The following SP2 variants were observed in gnomAD, a reference collection of about 807,000 sequenced individuals.
The protein encoded by SP2 is transcription factor Sp2.
SP2 carries 9 observed loss-of-function variants against 50.1 expected under a neutral mutation model. The ratio of observed to expected loss-of-function variants is 0.18; its 90% CI spans 0.11 to 0.31. The LOEUF is 0.31. Ranked by LOEUF, SP2 falls within the 10% of genes least tolerant of loss-of-function variation. The pLI, the probability that SP2 is intolerant of heterozygous loss-of-function variation, is 1.00. For synonymous variants in SP2, 313 were observed against 326.6 expected (o/e 0.96, Z 0.45); for missense variants, 581 against 806.5 (o/e 0.72, Z 3.39).
At chr17:47,925,828 A>C (rs1013236129) in intron 6 of SP2, among the ~76,000 whole-genome samples, 33 of 151,696 alleles carry the variant, frequency 2.2e-4, no homozygotes, top group African/African-American at 7.7e-4. Context: ...TGGTATGCCA[A>C]GCACAGTACT....
chr17:47,903,651 C>T (rs985568876), intron 1 of SP2, among the ~76,000 whole-genome samples: 7 of 147,326 alleles, frequency 4.8e-5, no homozygotes, highest in Non-Finnish European at 9.0e-5. Context: ...GTCAGAGCAA[C>T]ACGGATGACG....
At chr17:47,919,983 C>T (rs534960842) in intron 3 of SP2, among the ~76,000 whole-genome samples, 9 of 151,390 alleles carry the variant, frequency 5.9e-5, no homozygotes, top group Middle Eastern at 3.4e-3. Flanking sequence ...ATTACAGGCG[C>T]GTGCCACCAC....
chr17:47,896,256 G>C lies in SP2; in HGVS notation c.-31G>C. On this transcript the variant is annotated 5_prime_UTR_variant, in exon 1 of 7. Coordinates refer to ENST00000376741, the MANE Select transcript of SP2 (RefSeq NM_003110.6). ...GTGTCAGGCTCTCGGTGGCGGCGGA[G>C]GCGGCGGAGGCCAGGGAGGAAGATG... 8.1e-7 allele frequency: 1 copy of C among 1,236,756 alleles called. No individual in the cohort carries two copies. Among genetic ancestry groups the C allele is most frequent in the Non-Finnish European group, 1.0e-6 (1 of 988,058 alleles). The allele number at this position is 1,236,756 out of a possible 1,614,324, so 76.6% of individuals were successfully genotyped here. A position where few individuals can be genotyped will look rare whatever the true frequency, so the allele number is the denominator to read the frequency against.
rs1316557741 is a variant in SP2 at position 47,916,596 on chromosome 17, G to A, written c.525G>A (p.Lys175=). ...TCACCCCCTCACCGTCCAGTCACAA[G>A]CCTGTCCCCATCAAGCCAGCCCCCA... ...AIITPSPSSH[K]PVPIKPAPIQ... The change falls in exon 3 of 7, where the codon AAG becomes AAA. Residue 175 remains lysine, a synonymous_variant. Transcript: ENST00000376741. The surrounding 1 kb of genome is among the most constrained non-coding windows in gnomAD (Gnocchi z 4.7). The A allele has an allele frequency of 5.6e-6, 9 of 1,614,066 alleles. No individual in the cohort carries two copies. Among genetic ancestry groups the A allele is most frequent in the Non-Finnish European group, 7.6e-6 (9 of 1,180,012 alleles).
At chr17:47,899,650 C>T (rs1409860547) in intron 1 of SP2, 3 of 152,224 alleles carry the variant, frequency 2.0e-5, no homozygotes, top group Non-Finnish European at 4.4e-5. Flanking sequence ...GAAAAAAGAA[C>T]CTCCACATGA....
rs773392267 is a variant in SP2, at chr17:47,923,174, G to A, written c.1272G>A (p.Leu424=). 38 of 1,614,168 alleles carry A rather than the reference G, an allele frequency of 2.4e-5. No homozygotes were observed. Among genetic ancestry groups the A allele is most frequent in the Non-Finnish European group, 3.0e-5 (35 of 1,180,044 alleles). The change falls in exon 4 of 7, where the codon CTG becomes CTA. Residue 424 remains leucine, a synonymous_variant. Coordinates refer to ENST00000376741, the MANE Select transcript of SP2 (RefSeq NM_003110.6). Reference sequence around the variant, plus strand: ...CCCCAGCCGGGAGCATCATCAGCCTGAATGCAGCCCAGTTGGCGGCAGCTG... The same window carrying A: ...CCCCAGCCGGGAGCATCATCAGCCTAAATGCAGCCCAGTTGGCGGCAGCTG... ...KIAPAGSIIS[L]NAAQLAAAAQ...
At chr17:47,904,779 T>A (rs1445681898) in intron 1 of SP2, among the ~76,000 whole-genome samples, 2 of 152,188 alleles carry the variant, frequency 1.3e-5, no homozygotes, top group Non-Finnish European at 2.9e-5. Context: ...TTTTTATTAT[T>A]ATTTTTTAAA....
At chr17:47,911,551 G>A (rs2034985625) in intron 1 of SP2, among the ~76,000 whole-genome samples, 1 of 151,612 alleles carries the variant, frequency 6.6e-6, no homozygotes, top group Non-Finnish European at 1.5e-5. Flanking sequence ...GCTCACGCCT[G>A]TAATCCCAGC....
intron 3 of SP2, among the ~76,000 whole-genome samples, chr17:47,921,364 T>A (rs1432461784): frequency 6.6e-6 from 1 of 152,226 alleles, no homozygotes; most frequent in Non-Finnish European, 1.5e-5. Context: ...TTCTCCTGCC[T>A]CAGCCTCCCC....
intron 3 of SP2, chr17:47,918,529 T>C (rs1316332883): frequency 6.6e-6 from 1 of 152,172 alleles, no homozygotes; most frequent in Non-Finnish European, 1.5e-5. Flanking sequence ...TGAGGTCCCA[T>C]TTCTTGAGGT....
chr17:47,905,446 C>CA (rs1363607495), intron 1 of SP2, among the ~76,000 whole-genome samples: 2 of 152,114 alleles, frequency 1.3e-5, no homozygotes, highest in Non-Finnish European at 2.9e-5. Flanking sequence ...AACCCACAGG[C>CA]AAAAAAAGCC....
intron 6 of SP2, among the ~76,000 whole-genome samples, chr17:47,926,389 T>C (rs1789818725): frequency 6.6e-6 from 1 of 151,330 alleles, no homozygotes; most frequent in Non-Finnish European, 1.5e-5. Flanking sequence ...CTTGGCTCAC[T>C]GTAGTGTTGA....
At chr17:47,914,314 T>A (rs1472093769) in intron 1 of SP2, among the ~76,000 whole-genome samples, 2 of 150,474 alleles carry the variant, frequency 1.3e-5, no homozygotes, top group Admixed American at 1.3e-4. Context: ...GAGGTTGCAA[T>A]GAGCCAGGAT....
At chr17:47,914,951 G>A (rs1265453401) in intron 1 of SP2, 1 of 164,440 alleles carries the variant, frequency 6.1e-6, no homozygotes, top group East Asian at 1.7e-4. Flanking sequence ...AATGGCTTAT[G>A]TCTGTAATCC....
At chr17:47,905,126 A>C (rs758441323) in intron 1 of SP2, among the ~76,000 whole-genome samples, 4 of 152,172 alleles carry the variant, frequency 2.6e-5, no homozygotes, top group Non-Finnish European at 5.9e-5. Context: ...ATTCAGCACA[A>C]TTTGGAGTCT....
At chr17:47,909,652 T>G (rs2034902614) in intron 1 of SP2, 2 of 958,740 alleles carry the variant, frequency 2.1e-6, no homozygotes, top group South Asian at 9.7e-5. Context: ...TGACATTACC[T>G]TTGTTTTACA....
downstream of SP2, among the ~76,000 whole-genome samples, chr17:47,930,408 G>C (rs2144129205): frequency 1.3e-5 from 2 of 152,282 alleles, no homozygotes; most frequent in Middle Eastern, 6.8e-3. Flanking sequence ...TGACTCCCCA[G>C]CATCATTTGG....
At chr17:47,905,823 G>T (rs2034738038) in intron 1 of SP2, among the ~76,000 whole-genome samples, 1 of 152,212 alleles carries the variant, frequency 6.6e-6, no homozygotes, top group Non-Finnish European at 1.5e-5. Flanking sequence ...CTTTCGCTGA[G>T]TGAGAGTATA....
At chr17:47,909,457 G>A (rs1358967632) in intron 1 of SP2, among the ~76,000 whole-genome samples, 1 of 152,054 alleles carries the variant, frequency 6.6e-6, no homozygotes, top group Non-Finnish European at 1.5e-5. Context: ...TCACCATGTT[G>A]CCCAGGCTGG....
Sources: gnomAD v4.1 joint callset for allele counts (sites outside exome capture counted in the v4.1 genomes callset) on GRCh38, gnomAD v4.1.1 for gene constraint, Gnocchi (gnomAD v3.1) non-coding constraint, MANE v1.5 for transcripts, NCBI Gene and HGNC (gene_info 2026-07-23, HGNC 2026-07-21) for gene names.